Variants in USP47 observed in about 807,000 individuals in gnomAD.
USP47 encodes the protein ubiquitin specific peptidase 47.
A neutral mutation model predicts 165.1 loss-of-function variants in USP47; 35 were observed. That is an observed-to-expected ratio of 0.21 (90% confidence interval 0.16 to 0.28). The LOEUF is 0.28. USP47 is among the 10% of genes least tolerant of loss of function. The pLI is 1.00. For synonymous variants in USP47, 531 were observed against 544.5 expected, an observed-to-expected ratio of 0.98 and a Z score of 0.35; for missense variants, 1,277 against 1,607.4, an observed-to-expected ratio of 0.79 and a Z score of 3.52.
chr11:11,888,878 G>A (rs1851336090), intron 3 of USP47, among the ~76,000 whole-genome samples: 1 of 152,158 alleles, frequency 6.6e-6, no homozygotes, highest in African/African-American at 2.4e-5. Flanking sequence ...TCATTCCCAG[G>A]ATGCAAGGTT....
In USP47 at chr11:11,929,430, T is replaced by A; in HGVS notation, c.1387-4T>A. 1 of 1,611,306 alleles carries A rather than the reference T, an allele frequency of 6.2e-7. No individual in the cohort carries two copies. Among genetic ancestry groups the A allele is most frequent in the Non-Finnish European group, 8.5e-7 (1 of 1,178,672 alleles). Reference sequence around the variant, plus strand: ...TCTGAGTTACTTTTATTTTTTCCCCTTAGAATTCCTTGATCTATGAACTTT... The same window carrying A: ...TCTGAGTTACTTTTATTTTTTCCCCATAGAATTCCTTGATCTATGAACTTT... On this transcript the variant is annotated splice_polypyrimidine_tract_variant and splice_region_variant and intron_variant, in intron 11 of 27. Transcript: ENST00000527733.
rs575249769 is a variant in USP47, at chr11:11,910,874, C to T, written c.969+5326C>T. ...AGGTTTCAATTAAAAAATCACAAAT[C>T]TCAGTTTGAGTTAAAAAAGAAAACC... On this transcript the variant is annotated intron_variant, in intron 8 of 27. Transcript: ENST00000527733. Among the ~76,000 whole-genome samples, 7 of 152,206 alleles carry T rather than the reference C, an allele frequency of 4.6e-5. No homozygotes were observed. The South Asian group carries it at 8.3e-4, about 18-fold the overall frequency.
At chr11:11,889,792 C>G (rs947282959) in intron 3 of USP47, among the ~76,000 whole-genome samples, 2 of 152,076 alleles carry the variant, frequency 1.3e-5, no homozygotes, top group African/African-American at 4.8e-5. Context: ...ATCATGCTAC[C>G]CAAGTTCAAA....
chr11:11,932,183 G>T (rs1458482648), intron 14 of USP47, among the ~76,000 whole-genome samples: 1 of 152,096 alleles, frequency 6.6e-6, no homozygotes, highest in East Asian at 1.9e-4. Context: ...AAGTTCCGGG[G>T]TTGGGGGAGG....
intron 1 of USP47, among the ~76,000 whole-genome samples, chr11:11,864,815 A>G (rs1849580457): frequency 6.6e-6 from 1 of 152,086 alleles, no homozygotes; most frequent in Non-Finnish European, 1.5e-5. Context: ...AACTTTCTTT[A>G]GCCATTTTCT....
At chr11:11,948,433 A>G in intron 21 of USP47, 45 bp from the exon 22 acceptor site, 1 of 1,516,342 alleles carries the variant, frequency 6.6e-7, no homozygotes, top group Non-Finnish European at 9.1e-7. Flanking sequence ...TGGGTTGTTT[A>G]TTCTGCTGAG....
chr11:11,931,976 C>T (rs1854700919), intron 14 of USP47, among the ~76,000 whole-genome samples: 1 of 152,110 alleles, frequency 6.6e-6, no homozygotes, highest in East Asian at 1.9e-4. Flanking sequence ...ATCAGGCTGT[C>T]CTCGCATTGC....
chr11:11,936,262 GTA>G (rs969636452), intron 16 of USP47, 39 bp from the exon 17 acceptor site: 1 of 979,324 alleles, frequency 1.0e-6, no homozygotes, highest in Non-Finnish European at 1.4e-6. Context: ...AAATATATAT[GTA>G]TATATATTTT....
chr11:11,920,355 T>C lies in USP47; in HGVS notation c.1079T>C (p.Leu360Ser). The change falls in exon 10 of 28, where the codon TTG becomes TCG. Residue 360 changes from leucine to serine, a missense_variant. Transcript: ENST00000527733. The stretch of plus-strand genomic sequence containing the variant: ...TTTGTTTTTTAGGGCCTTCGGTTTT[T>C]GCATTTTCCTTATCTGCTGACCTTA... ...KCDARKGLRF[L>S]HFPYLLTLQL... 6.2e-7 allele frequency: 1 copy of C among 1,607,986 alleles called. No homozygotes were observed. Among genetic ancestry groups the C allele is most frequent in the African/African-American group, 1.3e-5 (1 of 74,622 alleles).
chr11:11,855,089 C>T (rs1187128281), intron 1 of USP47, among the ~76,000 whole-genome samples: 3 of 149,210 alleles, frequency 2.0e-5, no homozygotes, highest in Admixed American at 6.7e-5. Context: ...AGCGAGACTC[C>T]GTCTCAGGAA....
intron 12 of USP47, 105 bp from the exon 13 acceptor site, chr11:11,929,939 G>A (rs1590402315): frequency 1.1e-6 from 1 of 904,430 alleles, no homozygotes; most frequent in South Asian, 1.5e-5. Context: ...AATCATGAAG[G>A]TCTTTGATAG....
At position 11,930,090 on chromosome 11, in the gene USP47, G is replaced by A. The variant is rs199712587; in HGVS notation, c.1565G>A (p.Ser522Asn). The A allele has an allele frequency of 1.2e-4, 193 of 1,613,358 alleles. 1 individual carries two copies. Among genetic ancestry groups the A allele is most frequent in the Middle Eastern group, 5.0e-4 (3 of 6,050 alleles). Residue 522 changes from serine (S) to asparagine (N), a missense_variant, in exon 13 of 28, where the codon AGC becomes AAC. Around this residue, in one of 4 missense-constraint regions of USP47, gnomAD observed 909 missense variants for 1,068.1 expected, o/e 0.85. Transcript: ENST00000527733. ...AAAACACATGGTGGATCTTCAGGAA[G>A]CAGAGGATATTATTCTAGTGCTTTC... The part of the protein sequence containing the change: ...IKKTHGGSSG[S>N]RGYYSSAFAS...
At chr11:11,852,265 T>C (rs1848769459) in intron 1 of USP47, among the ~76,000 whole-genome samples, 1 of 152,212 alleles carries the variant, frequency 6.6e-6, no homozygotes, top group South Asian at 2.1e-4. Context: ...TTAATTTAAA[T>C]TCTTCTGTGA....
intron 11 of USP47, 116 bp from the exon 12 acceptor site, chr11:11,929,318 A>AAT (rs1420617525): frequency 6.4e-5 from 89 of 1,400,668 alleles, no homozygotes; most frequent in Non-Finnish European, 8.1e-5. Flanking sequence ...GTTGACCTGT[A>AAT]ATATATAGGA....
At chr11:11,936,797 G>A (rs1590419144) in intron 17 of USP47, among the ~76,000 whole-genome samples, 2 of 151,890 alleles carry the variant, frequency 1.3e-5, no homozygotes, top group South Asian at 4.1e-4. Context: ...GAATCATTCT[G>A]GATGCTGTCA....
At chr11:11,954,537 CAG>C (rs1328902481) in intron 25 of USP47, among the ~76,000 whole-genome samples, 1 of 152,164 alleles carries the variant, frequency 6.6e-6, no homozygotes, top group Non-Finnish European at 1.5e-5. Context: ...AAAACAGTCT[CAG>C]TGTCCATCAG....
At chr11:11,853,806 G>A (rs1321500413) in intron 1 of USP47, among the ~76,000 whole-genome samples, 6 of 152,052 alleles carry the variant, frequency 3.9e-5, no homozygotes, top group African/African-American at 1.4e-4. Context: ...CTCAAGTTTT[G>A]ATGTTCTTTA....
At chr11:11,858,634 T>A (rs1004166013) in intron 1 of USP47, among the ~76,000 whole-genome samples, 1 of 152,198 alleles carries the variant, frequency 6.6e-6, no homozygotes, top group Non-Finnish European at 1.5e-5. Context: ...ATGTTTTTCC[T>A]TTTCCAGAAT....
Position 11,847,670 on chromosome 11 carries a change from T to A in USP47, c.39+5446T>A, listed in dbSNP as rs149462275. Among the ~76,000 whole-genome samples, 10 of 152,330 alleles carry A rather than the reference T, an allele frequency of 6.6e-5. No individual in the cohort carries two copies. The East Asian group carries it at 1.9e-3, about 29-fold the overall frequency. On this transcript the variant is annotated intron_variant, in intron 1 of 27. Transcript: ENST00000527733. ...GAAAATGTCTCTGTATCCTTATCTT[T>A]CTCTCCATGGCTCTGCCTTTGTCTA... is the stretch of plus-strand genomic sequence containing the variant.
Sources: allele counts gnomAD v4.1 joint callset (sites outside exome capture counted in the v4.1 genomes callset), GRCh38; gene constraint gnomAD v4.1.1; regional missense constraint gnomAD v4.1.1; transcripts MANE v1.5; gene names NCBI Gene and HGNC (gene_info 2026-07-23, HGNC 2026-07-21).